SCRT2: variants seen among roughly 807,000 people sequenced by gnomAD.
The protein encoded by SCRT2 is scratch family transcriptional repressor 2.
SCRT2 carries 2 observed loss-of-function variants against 3.7 expected under a neutral mutation model. The ratio of observed to expected loss-of-function variants is 0.54; its 90% CI spans 0.22 to 1.70. SCRT2 has a LOEUF of 1.70. Among genes scored for constraint, SCRT2 ranks in the 40% most tolerant of loss-of-function variants. SCRT2 has a pLI of 0.19. For missense variants in SCRT2, 456 were observed against 468.5 expected (o/e 0.97, Z 0.25); for synonymous variants, 256 against 220.6 (o/e 1.16, Z -1.42).
rs780142197 is a variant in SCRT2, at chr20:663,728, C to T, written c.867G>A (p.Ala289=). The T allele has an allele frequency of 2.0e-5, 31 of 1,545,286 alleles. No individual in the cohort carries two copies. The African/African-American group carries it at 3.8e-4, about 19-fold the overall frequency. The change falls in exon 2 of 2, where the codon GCG becomes GCA. Residue 289 remains alanine (A), a synonymous_variant. Transcript: ENST00000246104. This position sits in a 1 kb window ranked among gnomAD's most constrained non-coding sequence, Gnocchi z 6.9. ...GTGGCTCGGCCGCCTTGGCGCAGGC[C>T]GCCTCGCAGTGCTTGTGGAGGTAGG... ...LKSYLHKHCE[A]ACAKAAEPPP...
rs770363574 is a variant in SCRT2, at chr20:663,776, G to A, written c.819C>T (p.Cys273=). Reference sequence around the variant, plus strand: ...AGGACTTGAGCGCGAAGCTCTTGTCGCACTGGCGGCAGCGGTAGTGCTTGA... The same window carrying A: ...AGGACTTGAGCGCGAAGCTCTTGTCACACTGGCGGCAGCGGTAGTGCTTGA... ...SAFKHYRCRQ[C]DKSFALKSYL... Residue 273 remains cysteine (C), a synonymous_variant, in exon 2 of 2, where the codon TGC becomes TGT. Transcript: ENST00000246104. This position sits in a 1 kb window ranked among gnomAD's most constrained non-coding sequence, Gnocchi z 6.9. 1 of 1,588,376 alleles carries A rather than the reference G, an allele frequency of 6.3e-7. No individual in the cohort carries two copies. Among genetic ancestry groups the A allele is most frequent in the African/African-American group, 1.3e-5 (1 of 74,780 alleles).
chr20:664,364 C>T lies in SCRT2; in HGVS notation c.231G>A (p.Ala77=), dbSNP rs1984082240. 6.9e-7 allele frequency: 1 copy of T among 1,452,264 alleles called. No homozygotes were observed. The highest frequency in any genetic ancestry group is 9.2e-7 in the Non-Finnish European group (1 of 1,089,778). The allele number at this position is 1,452,264 out of a possible 1,614,324, so 90.0% of individuals were successfully genotyped here. The change falls in exon 2 of 2, where the codon GCG becomes GCA. Residue 77 remains alanine, a synonymous_variant. Transcript: ENST00000246104. This position sits in a 1 kb window ranked among gnomAD's most constrained non-coding sequence, Gnocchi z 7.9. ...APAEPAYPPA[A]PEEYSDPESP... ...TTTCGGGGTCGCTGTACTCCTCCGG[C>T]GCCGCCGGCGGGTACGCGGGCTCGG...
chr20:665,622 G>A lies in SCRT2; in HGVS notation c.134-1161C>T, dbSNP rs1984132196. On this transcript the variant is annotated intron_variant, in intron 1 of 1. Transcript: ENST00000246104. This position sits in a 1 kb window ranked among gnomAD's most constrained non-coding sequence, Gnocchi z 5.0. Reference sequence around the variant, plus strand: ...TTCTGATTTGCCTCTGCCTCCCATGGCCTAGGCTGGTCCTAGCACCTTCCC... The same window carrying A: ...TTCTGATTTGCCTCTGCCTCCCATGACCTAGGCTGGTCCTAGCACCTTCCC... Among the ~76,000 whole-genome samples the A allele has an allele frequency of 6.6e-6, 1 of 152,174 alleles. No homozygotes were observed. The highest frequency in any genetic ancestry group is 2.1e-4 in the South Asian group (1 of 4,834).
At position 675,718 on chromosome 20, in the gene SCRT2, T is replaced by G; in HGVS notation, c.-117A>C. ...AGCGGGCTGGAGCGCGGGAGGCCGC[T>G]CGGAGCCGGCACCGGTGGCGGCGGC... On this transcript the variant is annotated 5_prime_UTR_variant, in exon 1 of 2. Transcript: ENST00000246104. The surrounding 1 kb of genome is among the most constrained non-coding windows in gnomAD (Gnocchi z 6.9). 26 of 620,924 alleles carry G rather than the reference T, an allele frequency of 4.2e-5. No homozygotes were observed. Among genetic ancestry groups the G allele is most frequent in the South Asian group, 2.2e-4 (3 of 13,488 alleles). 38.5% of individuals were successfully genotyped at this position (620,924 alleles called of 1,614,324 possible).
intron 1 of SCRT2, among the ~76,000 whole-genome samples, chr20:672,388 CGTGTGTGT>C (rs6147265): frequency 0.27 from 40,367 of 147,158 alleles, 6,329 homozygotes; most frequent in Non-Finnish European, 0.35. Context: ...GAGCATTGCT[CGTGTGTGT>C]GTGTGTGTGT....
In SCRT2 at chr20:675,625, T is replaced by G; in HGVS notation, c.-24A>C. The G allele has an allele frequency of 1.6e-6, 2 of 1,265,072 alleles. No individual in the cohort carries two copies. The highest frequency in any genetic ancestry group is 2.0e-6 in the Non-Finnish European group (2 of 998,224). 78.4% of individuals were successfully genotyped at this position (1,265,072 alleles called of 1,614,324 possible). Reference sequence around the variant, plus strand: ...ATGGCGCGGCCGGCGCGGGGCTCGGTGCGGGGAGGCGGCCGGCCGGGCGCG... The same window carrying G: ...ATGGCGCGGCCGGCGCGGGGCTCGGGGCGGGGAGGCGGCCGGCCGGGCGCG... On this transcript the variant is annotated 5_prime_UTR_variant, in exon 1 of 2. Transcript: ENST00000246104. The surrounding 1 kb of genome is among the most constrained non-coding windows in gnomAD (Gnocchi z 6.9).
At chr20:673,224 C>T (rs1483550840) in intron 1 of SCRT2, among the ~76,000 whole-genome samples, 2 of 152,188 alleles carry the variant, frequency 1.3e-5, no homozygotes, top group African/African-American at 4.8e-5. Flanking sequence ...AGCCAGGTGG[C>T]GTATGTTCAG....
chr20:671,728 G>A (rs1984338659), intron 1 of SCRT2, among the ~76,000 whole-genome samples: 1 of 152,208 alleles, frequency 6.6e-6, no homozygotes, highest in South Asian at 2.1e-4. Context: ...GCTTGCTGGG[G>A]GAGGCTTAAT....
chr20:668,795 G>A (rs1449213983), intron 1 of SCRT2, among the ~76,000 whole-genome samples: 1 of 152,230 alleles, frequency 6.6e-6, no homozygotes, highest in South Asian at 2.1e-4. Context: ...GAACTAAGGT[G>A]CTGGGCCCTC....
Position 665,587 on chromosome 20 carries a change from G to T in SCRT2, c.134-1126C>A, listed in dbSNP as rs147581282. ...GGGATTCCGTAGGGGATTCTCATGG[G>T]CAGGGGCCATTCTGATTTGCCTCTG... On this transcript the variant is annotated intron_variant, in intron 1 of 1. Transcript: ENST00000246104. This position sits in a 1 kb window ranked among gnomAD's most constrained non-coding sequence, Gnocchi z 5.0. 0.012 allele frequency among the ~76,000 whole-genome samples: 1,768 copies of T among 152,320 alleles called. 16 individuals carry two copies. Among genetic ancestry groups the T allele is most frequent in the Middle Eastern group, 0.024 (7 of 294 alleles).
At position 666,387 on chromosome 20, in the gene SCRT2, C is replaced by T. The variant is rs1002495890; in HGVS notation, c.134-1926G>A. Reference sequence around the variant, plus strand: ...TACCCGTCAGGCACTCCCAGACCCCCCTCCTTCTCCTTCTGTATTTCCTCA... The same window carrying T: ...TACCCGTCAGGCACTCCCAGACCCCTCTCCTTCTCCTTCTGTATTTCCTCA... On this transcript the variant is annotated intron_variant, in intron 1 of 1. Coordinates refer to ENST00000246104, the MANE Select transcript of SCRT2 (RefSeq NM_033129.4). The surrounding 1 kb of genome is among the most constrained non-coding windows in gnomAD (Gnocchi z 4.4). 2.0e-5 allele frequency among the ~76,000 whole-genome samples: 3 copies of T among 152,140 alleles called. No individual in the cohort carries two copies. The highest frequency in any genetic ancestry group is 4.4e-5 in the Non-Finnish European group (3 of 68,020).
Position 662,167 on chromosome 20 carries a change from C to T in SCRT2, c.*1504G>A, listed in dbSNP as rs547624197. 1.3e-5 allele frequency: 2 copies of T among 152,816 alleles called. No individual in the cohort carries two copies. Among genetic ancestry groups the T allele is most frequent in the Non-Finnish European group, 2.9e-5 (2 of 68,196 alleles). The allele number at this position is 152,816 out of a possible 1,614,324, so 9.5% of individuals were successfully genotyped here. A position where few individuals can be genotyped will look rare whatever the true frequency, so the allele number is the denominator to read the frequency against. Reference sequence around the variant, plus strand: ...TGGCTGGCAGCCCGGCCCCTCTGTCCGGGAGAGTTGCATAGACATGGCCGG... The same window carrying T: ...TGGCTGGCAGCCCGGCCCCTCTGTCTGGGAGAGTTGCATAGACATGGCCGG... On this transcript the variant is annotated 3_prime_UTR_variant, in exon 2 of 2. Coordinates refer to ENST00000246104, the MANE Select transcript of SCRT2 (RefSeq NM_033129.4).
intron 1 of SCRT2, among the ~76,000 whole-genome samples, chr20:668,545 T>C (rs985364817): frequency 1.1e-4 from 16 of 152,152 alleles, no homozygotes; most frequent in Non-Finnish European, 1.9e-4. Context: ...CCATGTGACC[T>C]TGGGTAAGTC....
intron 1 of SCRT2, among the ~76,000 whole-genome samples, chr20:674,688 A>T (rs1022325708): frequency 7.7e-6 from 1 of 129,446 alleles, no homozygotes; most frequent in East Asian, 2.6e-4. Flanking sequence ...GAAGAGATGG[A>T]GTGTGTGTGT....
chr20:675,679 A>C lies in SCRT2; in HGVS notation c.-78T>G. 1 of 1,067,858 alleles carries C rather than the reference A, an allele frequency of 9.4e-7. No homozygotes were observed. The highest frequency in any genetic ancestry group is 1.7e-5 in the African/African-American group (1 of 60,276). The allele number at this position is 1,067,858 out of a possible 1,614,324, so 66.1% of individuals were successfully genotyped here. ...GGCTGTGTCCGCGCGGGTTTTCAGC[A>C]CTGGACAGCTCCCAGCGGGCTGGAG... On this transcript the variant is annotated 5_prime_UTR_variant, in exon 1 of 2. Transcript: ENST00000246104. The surrounding 1 kb of genome is among the most constrained non-coding windows in gnomAD (Gnocchi z 6.9).
rs1446298569 is a variant in SCRT2 at position 675,543 on chromosome 20, A to G, written c.59T>C (p.Val20Ala). The part of the protein sequence containing the change: ...IKGDGFQCSG[V>A]PAPTYHPLET... ...CAAGGGGTGGTAGGTGGGGGCCGGC[A>G]CCCCGCTGCACTGGAAGCCGTCCCC... The change falls in exon 1 of 2, where the codon GTG becomes GCG. Residue 20 changes from valine to alanine, a missense_variant. Val to Ala is a moderately conservative substitution (Grantham distance 64, BLOSUM62 0). Transcript: ENST00000246104. The surrounding 1 kb of genome is among the most constrained non-coding windows in gnomAD (Gnocchi z 6.9). 6.5e-6 allele frequency: 9 copies of G among 1,390,322 alleles called. No homozygotes were observed. Among genetic ancestry groups the G allele is most frequent in the Non-Finnish European group, 7.5e-6 (8 of 1,068,638 alleles). The allele number at this position is 1,390,322 out of a possible 1,614,324, so 86.1% of individuals were successfully genotyped here.
intron 1 of SCRT2, among the ~76,000 whole-genome samples, chr20:674,423 A>T (rs1246116452): frequency 6.7e-6 from 1 of 149,258 alleles, no homozygotes; most frequent in Non-Finnish European, 1.5e-5. Flanking sequence ...ACACACACAC[A>T]CACACACACA....
chr20:663,135 A>G lies in SCRT2; in HGVS notation c.*536T>C, dbSNP rs1984014164. ...GGACACACTCTGGGAGATTCAGCAGAGGCCAGAGGGATGGTCTGGGGTTGG... is the reference window on the plus strand; with the variant it reads ...GGACACACTCTGGGAGATTCAGCAGGGGCCAGAGGGATGGTCTGGGGTTGG... On this transcript the variant is annotated 3_prime_UTR_variant, in exon 2 of 2. Transcript: ENST00000246104. This position sits in a 1 kb window ranked among gnomAD's most constrained non-coding sequence, Gnocchi z 6.9. 6.5e-6 allele frequency: 1 copy of G among 153,628 alleles called. No homozygotes were observed. The highest frequency in any genetic ancestry group is 1.4e-5 in the Non-Finnish European group (1 of 69,176). The allele number at this position is 153,628 out of a possible 1,614,324, so 9.5% of individuals were successfully genotyped here. A position where few individuals can be genotyped will look rare whatever the true frequency, so the allele number is the denominator to read the frequency against.
At chr20:670,286 T>C (rs1168718926) in intron 1 of SCRT2, among the ~76,000 whole-genome samples, 1 of 152,158 alleles carries the variant, frequency 6.6e-6, no homozygotes, top group Non-Finnish European at 1.5e-5. Context: ...ACTGGGTGTG[T>C]TGTGCAGTGC....
Sources: allele counts gnomAD v4.1 joint callset (sites outside exome capture counted in the v4.1 genomes callset), GRCh38; gene constraint gnomAD v4.1.1; non-coding constraint Gnocchi (gnomAD v3.1); transcripts MANE v1.5; gene names NCBI Gene and HGNC (gene_info 2026-07-23, HGNC 2026-07-21).